OXCT1: variants seen among roughly 807,000 people sequenced by gnomAD.
The protein encoded by OXCT1 is 3-oxoacid CoA-transferase 1.
In OXCT1, 27 loss-of-function variants were observed where a neutral mutation model predicts 69.6. That is an observed-to-expected ratio of 0.39 (90% CI 0.29 to 0.54). The LOEUF (loss-of-function observed/expected upper bound fraction) is 0.54. Among genes scored for constraint, OXCT1 ranks in the 20% least tolerant of loss-of-function variants. The pLI is 0.72. For missense variants in OXCT1, 437 were observed against 650.2 expected, an observed-to-expected ratio of 0.67 and a Z score of 3.57; for synonymous variants, 202 against 217.8, an observed-to-expected ratio of 0.93 and a Z score of 0.64.
chr5:41,807,400 T>G lies in OXCT1; in HGVS notation c.771A>C (p.Glu257Asp). Reference sequence around the variant, plus strand: ...CATAAATCTGAGGAATATGGATGTCTTCTGGAGCAAATGCTCCAATATCCA... The same window carrying G: ...CATAAATCTGAGGAATATGGATGTCGTCTGGAGCAAATGCTCCAATATCCA... ...EIVDIGAFAP[E>D]DIHIPQIYVH... The change falls in exon 8 of 17, where the codon GAA becomes GAC. Residue 257 changes from glutamate (E) to aspartate (D), a missense_variant. Coordinates refer to ENST00000196371, the MANE Select transcript of OXCT1 (RefSeq NM_000436.4). 1 of 1,607,816 alleles carries G rather than the reference T, an allele frequency of 6.2e-7. No homozygotes were observed. The highest frequency in any genetic ancestry group is 8.5e-7 in the Non-Finnish European group (1 of 1,174,818).
At chr5:41,733,988 T>G (rs902347891) in intron 16 of OXCT1, among the ~76,000 whole-genome samples, 1 of 152,212 alleles carries the variant, frequency 6.6e-6, no homozygotes, top group African/African-American at 2.4e-5. Context: ...AGAATGCCAG[T>G]TCATAGTAGA....
intron 14 of OXCT1, among the ~76,000 whole-genome samples, chr5:41,756,538 G>A (rs959316898): frequency 6.6e-6 from 1 of 152,080 alleles, no homozygotes; most frequent in African/African-American, 2.4e-5. Context: ...GGAGACAGAA[G>A]CATGTAACAA....
Position 41,776,159 on chromosome 5 carries a change from T to C in OXCT1, c.1249-13959A>G, listed in dbSNP as rs555356211. Among the ~76,000 whole-genome samples the C allele has an allele frequency of 5.9e-5, 9 of 152,172 alleles. No homozygotes were observed. In the East Asian group the frequency reaches 1.7e-3, roughly 29 times the overall value. On this transcript the variant is annotated intron_variant, in intron 13 of 16. Transcript: ENST00000196371. ...AAAACCCATAACCCACATCTAATTA[T>C]GAGAAAAACATCAGACAAATCCAGA...
At chr5:41,749,632 A>T in intron 14 of OXCT1, 25 bp from the exon 15 acceptor site, 1 of 1,483,452 alleles carries the variant, frequency 6.7e-7, no homozygotes, top group Non-Finnish European at 9.4e-7. Context: ...AAACATCAAA[A>T]AGAGTAGTTA....
At chr5:41,750,451 T>C (rs1227663847) in intron 14 of OXCT1, among the ~76,000 whole-genome samples, 1 of 152,038 alleles carries the variant, frequency 6.6e-6, no homozygotes, top group East Asian at 1.9e-4. Context: ...TTTTCTTCTG[T>C]TCATGATTAA....
At chr5:41,804,233 A>G (rs1367562350) in intron 9 of OXCT1, among the ~76,000 whole-genome samples, 1 of 152,128 alleles carries the variant, frequency 6.6e-6, no homozygotes, top group East Asian at 1.9e-4. Context: ...AATGCACAGA[A>G]CACATTAGGA....
rs1374860156 is a variant in OXCT1 at position 41,805,571 on chromosome 5, C to T, written c.951G>A (p.Met317Ile). 1.3e-6 allele frequency: 2 copies of T among 1,596,318 alleles called. No homozygotes were observed. Among genetic ancestry groups the T allele is most frequent in the Admixed American group, 1.7e-5 (1 of 59,848 alleles). The change falls in exon 9 of 17, where the codon ATG becomes ATA. Residue 317 changes from methionine to isoleucine, a missense_variant. By Grantham distance (10) the Met-to-Ile change is conservative. Coordinates refer to ENST00000196371, the MANE Select transcript of OXCT1 (RefSeq NM_000436.4). The part of the protein sequence containing the change: ...KRAALEFEDG[M>I]YANLGIGIPL... Reference sequence around the variant, plus strand: ...GCTCAGAAGGATAAAGGATACCATACATGCCATCCTCAAACTCAAGAGCGG... The same window carrying T: ...GCTCAGAAGGATAAAGGATACCATATATGCCATCCTCAAACTCAAGAGCGG...
At chr5:41,773,487 CTTGGGAGGCTGAA>C (rs932504748) in intron 13 of OXCT1, among the ~76,000 whole-genome samples, 3 of 151,410 alleles carry the variant, frequency 2.0e-5, no homozygotes, top group African/African-American at 7.3e-5. Context: ...GTATGAGCTA[CTTGGGAGGCTGAA>C]GTGGGAGGAT....
chr5:41,777,000 A>C (rs1383429358), intron 13 of OXCT1, among the ~76,000 whole-genome samples: 1 of 152,218 alleles, frequency 6.6e-6, no homozygotes, highest in Non-Finnish European at 1.5e-5. Flanking sequence ...CTATTTTTTA[A>C]TATTCTTATT....
At chr5:41,833,975 T>TTTG in intron 7 of OXCT1, among the ~76,000 whole-genome samples, 1 of 151,276 alleles carries the variant, frequency 6.6e-6, no homozygotes, top group Non-Finnish European at 1.5e-5. Flanking sequence ...GCCACTGTAC[T>TTTG]CCAGCCTGGG....
intron 3 of OXCT1, among the ~76,000 whole-genome samples, chr5:41,857,498 T>C (rs1156466008): frequency 6.6e-6 from 1 of 152,180 alleles, no homozygotes; most frequent in Non-Finnish European, 1.5e-5. Flanking sequence ...GGCTTCTGAT[T>C]GGGTTCAGCC....
intron 13 of OXCT1, among the ~76,000 whole-genome samples, chr5:41,785,531 G>A (rs950348115): frequency 3.9e-5 from 6 of 152,130 alleles, no homozygotes; most frequent in East Asian, 1.9e-4. Context: ...TTTATATCAC[G>A]TGCAGAATTA....
intron 16 of OXCT1, among the ~76,000 whole-genome samples, chr5:41,733,435 C>T (rs1046831659): frequency 3.3e-5 from 5 of 151,870 alleles, no homozygotes; most frequent in Non-Finnish European, 5.9e-5. Flanking sequence ...TTAGTAGAGA[C>T]GGGGTTTCTC....
intron 11 of OXCT1, among the ~76,000 whole-genome samples, chr5:41,798,760 G>C (rs1746293278): frequency 6.6e-6 from 1 of 152,170 alleles, no homozygotes; most frequent in Admixed American, 6.5e-5. Flanking sequence ...ACTGCATTGG[G>C]TTACTCTAGG....
Position 41,737,452 on chromosome 5 carries a change from A to C in OXCT1, c.1521+1938T>G, listed in dbSNP as rs79681172. 6.4e-3 allele frequency among the ~76,000 whole-genome samples: 981 copies of C among 152,242 alleles called. 9 individuals carry two copies. Among genetic ancestry groups the C allele is most frequent in the Middle Eastern group, 0.027 (8 of 292 alleles). The stretch of plus-strand genomic sequence containing the variant: ...ACATTCTCTTTTGCTGCAAAAAAAA[A>C]CTGAACATTCTGTGGATCTTGAAAA... On this transcript the variant is annotated intron_variant, in intron 16 of 16. Coordinates refer to ENST00000196371, the MANE Select transcript of OXCT1 (RefSeq NM_000436.4).
intron 7 of OXCT1, among the ~76,000 whole-genome samples, chr5:41,829,152 G>A (rs562938002): frequency 1.2e-4 from 18 of 152,046 alleles, no homozygotes; most frequent in South Asian, 2.1e-4. Context: ...TATTTTTCAC[G>A]AGGCAAAAAA....
intron 15 of OXCT1, 102 bp from the exon 16 acceptor site, chr5:41,739,593 T>C: frequency 1.1e-6 from 1 of 871,668 alleles, no homozygotes; most frequent in South Asian, 1.4e-5. Context: ...AGGTCGGGTG[T>C]GGTGGCTCAG....
intron 7 of OXCT1, among the ~76,000 whole-genome samples, chr5:41,834,221 G>T (rs1748241046): frequency 6.6e-6 from 1 of 151,650 alleles, no homozygotes; most frequent in African/African-American, 2.4e-5. Flanking sequence ...TCACTAGAAG[G>T]AAGACAGGAA....
chr5:41,791,172 T>C (rs1448336570), intron 13 of OXCT1, among the ~76,000 whole-genome samples: 2 of 152,076 alleles, frequency 1.3e-5, no homozygotes, highest in Non-Finnish European at 2.9e-5. Context: ...ACAATGAAAA[T>C]ATACATGGTG....
Sources: allele counts gnomAD v4.1 joint callset (sites outside exome capture counted in the v4.1 genomes callset), GRCh38; gene constraint gnomAD v4.1.1; transcripts MANE v1.5; gene names NCBI Gene and HGNC (gene_info 2026-07-23, HGNC 2026-07-21).